Variants in SLC8A1 observed in about 807,000 individuals in gnomAD.
SLC8A1 encodes the protein sodium/calcium exchanger 1.
In SLC8A1, 18 loss-of-function variants were observed where a neutral mutation model predicts 68.3. That is an observed-to-expected ratio of 0.26 (90% CI 0.18 to 0.39). SLC8A1 has a LOEUF of 0.39. Ranked by LOEUF, SLC8A1 falls within the 10% of genes least tolerant of loss-of-function variation. SLC8A1 has a pLI of 1.00. For missense variants in SLC8A1, 985 were observed against 1,156.7 expected, an observed-to-expected ratio of 0.85 and a Z score of 2.15; for synonymous variants, 475 against 415.5, an observed-to-expected ratio of 1.14 and a Z score of -1.74.
chr2:40,501,214 A>G (rs1706041469), intron 1 of SLC8A1, among the ~76,000 whole-genome samples: 1 of 151,676 alleles, frequency 6.6e-6, no homozygotes, highest in African/African-American at 2.4e-5. Context: ...TCTTTTCTCT[A>G]TCCTTCTCTA....
chr2:40,458,570 G>C (rs1703159640), intron 1 of SLC8A1, among the ~76,000 whole-genome samples: 1 of 151,292 alleles, frequency 6.6e-6, no homozygotes, highest in Non-Finnish European at 1.5e-5. Context: ...TTCAGGCTCT[G>C]GTTAGCTGAC....
intron 1 of SLC8A1, among the ~76,000 whole-genome samples, chr2:40,457,771 C>A (rs1426931762): frequency 2.0e-5 from 3 of 152,166 alleles, no homozygotes; most frequent in African/African-American, 7.2e-5. Flanking sequence ...CTAAGAATGT[C>A]TTTATCAAAA....
chr2:40,155,279 G>A (rs764216636), intron 6 of SLC8A1, among the ~76,000 whole-genome samples: 26 of 151,948 alleles, frequency 1.7e-4, no homozygotes, highest in East Asian at 7.7e-4. Flanking sequence ...ACAGGCACCC[G>A]CCACCACGCC....
chr2:40,395,763 A>G (rs1259024184), intron 2 of SLC8A1, among the ~76,000 whole-genome samples: 2 of 152,158 alleles, frequency 1.3e-5, no homozygotes, highest in Admixed American at 6.5e-5. Context: ...AGATAGGGAT[A>G]TAGAGTCAGA....
intron 2 of SLC8A1, among the ~76,000 whole-genome samples, chr2:40,415,311 C>G (rs541552239): frequency 2.0e-5 from 3 of 152,080 alleles, no homozygotes; most frequent in South Asian, 2.1e-4. Flanking sequence ...TAATTGGTAA[C>G]GGTTTTGACT....
intron 2 of SLC8A1, among the ~76,000 whole-genome samples, chr2:40,369,288 T>G (rs1247293788): frequency 6.6e-6 from 1 of 152,108 alleles, no homozygotes; most frequent in Non-Finnish European, 1.5e-5. Context: ...AAACTATTAT[T>G]GCATTTCTTA....
chr2:40,429,088 G>A lies in SLC8A1; in HGVS notation c.1193C>T (p.Thr398Ile), dbSNP rs1417521700. 2 of 1,613,162 alleles carry A rather than the reference G, an allele frequency of 1.2e-6. No homozygotes were observed. Among genetic ancestry groups the A allele is most frequent in the South Asian group, 1.1e-5 (1 of 91,076 alleles). Residue 398 changes from threonine to isoleucine, a missense_variant, in exon 2 of 8, where the codon ACT becomes ATT. Around this residue, in one of 5 missense-constraint regions of SLC8A1, gnomAD observed 584 missense variants for 565.9 expected, o/e 1.03. Transcript: ENST00000406785. ...AACAGGGTCATTTTCAGTCACTTCA[G>A]TGTTGACCTCGTGCATGCTGACAGC... is the stretch of plus-strand genomic sequence containing the variant.
chr2:40,414,440 T>C (rs998662792), intron 2 of SLC8A1, among the ~76,000 whole-genome samples: 1 of 152,208 alleles, frequency 6.6e-6, no homozygotes, highest in Non-Finnish European at 1.5e-5. Flanking sequence ...ATCTGCTGAG[T>C]AACATTGAGT....
intron 2 of SLC8A1, among the ~76,000 whole-genome samples, chr2:40,310,522 ATCTGTAG>A (rs2073477733): frequency 6.6e-6 from 1 of 152,146 alleles, no homozygotes; most frequent in Non-Finnish European, 1.5e-5. Context: ...GCAGCCAAGG[ATCTGTAG>A]TACTCGGGTC....
intron 6 of SLC8A1, among the ~76,000 whole-genome samples, chr2:40,155,801 G>C (rs574628772): frequency 9.9e-5 from 15 of 152,174 alleles, no homozygotes; most frequent in Admixed American, 2.0e-4. Context: ...GGGCTAAGGT[G>C]ACATGCCCTC....
chr2:40,232,819 A>G (rs1412464287), intron 2 of SLC8A1, among the ~76,000 whole-genome samples: 2 of 132,558 alleles, frequency 1.5e-5, no homozygotes, highest in Non-Finnish European at 3.2e-5. Context: ...TCATTGTTCA[A>G]TTCCCACCTA....
chr2:40,368,160 C>G (rs1676865353), intron 2 of SLC8A1, among the ~76,000 whole-genome samples: 1 of 151,992 alleles, frequency 6.6e-6, no homozygotes, highest in African/African-American at 2.4e-5. Context: ...GGATAAATCC[C>G]TAACACTTTT....
At chr2:40,293,634 T>C (rs914305280) in intron 2 of SLC8A1, among the ~76,000 whole-genome samples, 5 of 152,112 alleles carry the variant, frequency 3.3e-5, no homozygotes, top group Admixed American at 3.3e-4. Flanking sequence ...AATCACTCTA[T>C]TGATGCTAAG....
intron 2 of SLC8A1, among the ~76,000 whole-genome samples, chr2:40,266,828 A>C (rs1050115455): frequency 3.9e-5 from 6 of 152,158 alleles, no homozygotes; most frequent in Non-Finnish European, 7.3e-5. Context: ...TTGTGAATAA[A>C]ATTGGCACTC....
chr2:40,283,508 C>T (rs1337148600), intron 2 of SLC8A1, among the ~76,000 whole-genome samples: 1 of 152,216 alleles, frequency 6.6e-6, no homozygotes, highest in African/African-American at 2.4e-5. Context: ...GAGTCATCAG[C>T]TGCCAATAGC....
intron 7 of SLC8A1, among the ~76,000 whole-genome samples, chr2:40,135,816 G>A (rs4140823): frequency 0.25 from 37,692 of 152,180 alleles, 5,173 homozygotes; most frequent in East Asian, 0.61. Context: ...AATATGACTT[G>A]TTCTCCTGAG....
At chr2:40,484,993 G>A (rs751429812) in intron 1 of SLC8A1, among the ~76,000 whole-genome samples, 4 of 152,136 alleles carry the variant, frequency 2.6e-5, no homozygotes, top group Non-Finnish European at 4.4e-5. Flanking sequence ...AAAAGAAAGT[G>A]TTTGACATCT....
chr2:40,339,821 G>A (rs547498327), intron 2 of SLC8A1, among the ~76,000 whole-genome samples: 1 of 152,270 alleles, frequency 6.6e-6, no homozygotes, highest in African/African-American at 2.4e-5. Context: ...AAGTTACTTT[G>A]TAACTATAAA....
At chr2:40,320,603 CTT>C (rs764951749) in intron 2 of SLC8A1, among the ~76,000 whole-genome samples, 9 of 152,122 alleles carry the variant, frequency 5.9e-5, no homozygotes, top group Admixed American at 2.6e-4. Context: ...TCTTAAAACT[CTT>C]AACATTGTTT....
Sources: allele counts gnomAD v4.1 joint callset (sites outside exome capture counted in the v4.1 genomes callset), GRCh38; gene constraint gnomAD v4.1.1; regional missense constraint gnomAD v4.1.1; transcripts MANE v1.5; gene names NCBI Gene and HGNC (gene_info 2026-07-23, HGNC 2026-07-21).